DMD: variants seen among roughly 807,000 people sequenced by gnomAD.
DMD encodes mutant dystrophin.
In DMD, 63 loss-of-function variants were observed where a neutral mutation model predicts 330.1. That is an observed-to-expected ratio of 0.19 (90% CI 0.16 to 0.24). The LOEUF (loss-of-function observed/expected upper bound fraction) is 0.24, where lower values mean the gene tolerates loss of function less well. DMD is among the 10% of genes least tolerant of loss of function. The pLI is 1.00. For missense variants in DMD, 3,344 were observed against 2,684.1 expected (o/e 1.25, Z -5.43); for synonymous variants, 1,223 against 959.8 (o/e 1.27, Z -5.07).
At chrX:32,614,834 T>A (rs1484185569) in intron 11 of DMD, among the ~76,000 whole-genome samples, 1 of 111,175 alleles carries the variant, frequency 9.0e-6, no homozygotes, top group East Asian at 2.8e-4. Flanking sequence ...CTTCAAGAGA[T>A]GAGGTCTATT....
At chrX:32,060,830 T>C (rs1007573890) in intron 44 of DMD, among the ~76,000 whole-genome samples, 19 of 111,248 alleles carry the variant, frequency 1.7e-4, no homozygotes, top group African/African-American at 5.2e-4. Flanking sequence ...GAAACACTTT[T>C]TGAGTAGAGA....
intron 2 of DMD, among the ~76,000 whole-genome samples, chrX:32,887,990 A>T (rs1468681311): frequency 1.8e-5 from 2 of 110,135 alleles, no homozygotes; most frequent in Non-Finnish European, 3.8e-5. Flanking sequence ...AATATCCAAA[A>T]ATATATAAGA....
chrX:32,461,366 A>C (rs765062579), intron 25 of DMD, among the ~76,000 whole-genome samples: 2 of 110,924 alleles, frequency 1.8e-5, no homozygotes, highest in South Asian at 3.8e-4. Flanking sequence ...AACCTAACTC[A>C]TTTGGCTACA....
At chrX:32,039,394 AT>A (rs1266582576) in intron 44 of DMD, among the ~76,000 whole-genome samples, 1 of 111,392 alleles carries the variant, frequency 9.0e-6, no homozygotes, top group African/African-American at 3.3e-5. Flanking sequence ...GGGCTCAAAA[AT>A]ATCCCGTTTC....
At position 31,951,234 on chromosome X, in the gene DMD, G is replaced by A. The variant is rs1163561344; in HGVS notation, c.6614+17105C>T. 9.1e-5 allele frequency among the ~76,000 whole-genome samples: 9 copies of A among 98,832 alleles called. No homozygotes were observed. In the Admixed American group the frequency reaches 1.0e-3, roughly 11 times the overall value. 85.8% of individuals were successfully genotyped at this position (98,832 alleles called of 115,157 possible). On this transcript the variant is annotated intron_variant, in intron 45 of 78. Transcript: ENST00000357033. ...TATAACCTGGAGGTAATTTTATAAA[G>A]TATCTTAAATAATTTTTTGCATGAA...
chrX:32,218,493 A>G (rs150488247), intron 43 of DMD, among the ~76,000 whole-genome samples: 2,758 of 111,741 alleles, frequency 0.025, 95 homozygotes, highest in African/African-American at 0.084. Context: ...TTAAGAAGCA[A>G]TGGATCATAC....
rs1432511056 is a variant in DMD, at chrX:31,670,477, G to A, written c.7872+8898C>T. On this transcript the variant is annotated intron_variant, in intron 53 of 78. Transcript: ENST00000357033. ...AATCCTCTTCTGTATTCGTTTCCTC[G>A]GGCTTCTGTAATTAAGTGTCACAAT... 1.2e-4 allele frequency among the ~76,000 whole-genome samples: 13 copies of A among 111,502 alleles called. No individual in the cohort carries two copies. In the Admixed American group the frequency reaches 1.2e-3, roughly 11 times the overall value.
Position 32,342,085 on chromosome X carries a change from C to A in DMD, c.5922+15G>T. The A allele has an allele frequency of 1.7e-6, 2 of 1,200,106 alleles. No homozygotes were observed. Among genetic ancestry groups the A allele is most frequent in the Non-Finnish European group, 2.3e-6 (2 of 888,266 alleles). Reference sequence around the variant, plus strand: ...AGTTGCAAACACATACGTGGGTTTGCCAGTAACAACTCACAATTTGTGCAA... The same window carrying A: ...AGTTGCAAACACATACGTGGGTTTGACAGTAACAACTCACAATTTGTGCAA... On this transcript the variant is annotated intron_variant, in intron 41 of 78. Coordinates refer to ENST00000357033, the MANE Select transcript of DMD (RefSeq NM_004006.3).
intron 59 of DMD, among the ~76,000 whole-genome samples, chrX:31,458,377 A>G (rs1569544326): frequency 9.0e-6 from 1 of 110,594 alleles, no homozygotes; most frequent in African/African-American, 3.3e-5. Flanking sequence ...CTAAATTCAT[A>G]TCCTGTAATA....
At position 32,390,142 on chromosome X, in the gene DMD, C is replaced by T; in HGVS notation, c.4273G>A (p.Glu1425Lys). Residue 1425 changes from glutamate to lysine, a missense_variant, in exon 31 of 79, where the codon GAA (glutamate) becomes AAA (lysine). Physicochemically the swap from Glu to Lys is moderately conservative, Grantham distance 56. Transcript: ENST00000357033. ...CCCTGATTATGTTTCTTCATTTCTT[C>T]TAAACTGATCTCATGACTTGTCAAA... ...SDLTSHEISL[E>K]EMKKHNQGKE... 1 of 1,209,434 alleles carries T rather than the reference C, an allele frequency of 8.3e-7. No homozygotes were observed.
chrX:31,280,329 T>TA (rs1410768604), intron 62 of DMD, among the ~76,000 whole-genome samples: 12 of 112,162 alleles, frequency 1.1e-4, no homozygotes, highest in Admixed American at 1.9e-4. Flanking sequence ...ATGCTGAATA[T>TA]AAGAGACCAG....
chrX:31,166,886 C>T (rs2039471705), intron 74 of DMD, among the ~76,000 whole-genome samples: 1 of 111,934 alleles, frequency 8.9e-6, no homozygotes, highest in Admixed American at 9.5e-5. Context: ...AGATTTGCAT[C>T]AACCCCAGAG....
At chrX:32,418,061 C>A (rs1264188433) in intron 29 of DMD, among the ~76,000 whole-genome samples, 4 of 110,521 alleles carry the variant, frequency 3.6e-5, no homozygotes, top group Non-Finnish European at 7.6e-5. Context: ...GAGCTGGAAA[C>A]AAGGAAGCAT....
intron 44 of DMD, among the ~76,000 whole-genome samples, chrX:32,147,287 G>A (rs1603627115): frequency 8.9e-6 from 1 of 111,733 alleles, no homozygotes; most frequent in East Asian, 2.8e-4. Flanking sequence ...GTTATTTCAT[G>A]TGAGATAGCT....
chrX:33,166,485 C>T (rs2049058317), intron 1 of DMD, among the ~76,000 whole-genome samples: 2 of 111,237 alleles, frequency 1.8e-5, no homozygotes, highest in Admixed American at 1.9e-4. Context: ...AGGAGAAATA[C>T]TTAATTTCTA....
chrX:32,215,499 C>G (rs1449785123), intron 44 of DMD, among the ~76,000 whole-genome samples: 4 of 111,437 alleles, frequency 3.6e-5, no homozygotes, highest in African/African-American at 1.3e-4. Context: ...AAATATGTAG[C>G]AAAATTCATA....
chrX:31,617,716 T>C (rs1425216925), intron 55 of DMD, among the ~76,000 whole-genome samples: 1 of 110,838 alleles, frequency 9.0e-6, no homozygotes, highest in Non-Finnish European at 1.9e-5. Context: ...AGCAATGCCA[T>C]TACTGGGTAT....
chrX:32,351,630 T>C (rs2097782157), intron 37 of DMD, among the ~76,000 whole-genome samples: 1 of 109,775 alleles, frequency 9.1e-6, no homozygotes, highest in Non-Finnish European at 1.9e-5. Flanking sequence ...ATAGTAAATA[T>C]TCATAAGTAA....
chrX:31,153,810 C>A (rs765719875), intron 74 of DMD, among the ~76,000 whole-genome samples: 6 of 112,121 alleles, frequency 5.4e-5, no homozygotes, highest in East Asian at 2.8e-4. Context: ...TTTTGAGGGA[C>A]TAGTTTTTCC....
Sources: allele counts gnomAD v4.1 joint callset (sites outside exome capture counted in the v4.1 genomes callset), GRCh38; gene constraint gnomAD v4.1.1; transcripts MANE v1.5; gene names NCBI Gene and HGNC (gene_info 2026-07-23, HGNC 2026-07-21).